The following UMAD1 variants were observed in gnomAD, a reference collection of about 807,000 sequenced individuals.
The protein encoded by UMAD1 is UBAP1-MVB12-associated (UMA) domain containing 1.
In UMAD1, 8 loss-of-function variants were observed where a neutral mutation model predicts 6.1. The observed-to-expected ratio is 1.30, with a 90% CI of 0.76 to 2.35. The LOEUF is 2.35. Ranked by LOEUF, UMAD1 falls within the 30% of genes most tolerant of loss-of-function variation. The pLI is 0.00. For synonymous variants in UMAD1, 56 were observed against 31.4 expected (o/e 1.78, Z -2.61); for missense variants, 130 against 78.4 (o/e 1.66, Z -2.49).
chr7:7,697,638 C>G (rs981820915), intron 2 of UMAD1, among the ~76,000 whole-genome samples: 4 of 152,070 alleles, frequency 2.6e-5, no homozygotes, highest in African/African-American at 9.7e-5. Flanking sequence ...TTTTTTTAAG[C>G]TGATATTATC....
At chr7:7,735,649 A>T (rs893831309) in intron 2 of UMAD1, 1 of 152,276 alleles carries the variant, frequency 6.6e-6, no homozygotes, top group African/African-American at 2.4e-5. Flanking sequence ...ACCTCAGGTG[A>T]TCCACCCACC....
At chr7:7,671,777 C>G (rs182444386) in intron 1 of UMAD1, among the ~76,000 whole-genome samples, 2 of 152,144 alleles carry the variant, frequency 1.3e-5, no homozygotes, top group African/African-American at 4.8e-5. Flanking sequence ...TCTCCTTGCT[C>G]TCTATAGAGA....
rs1298205476 is a variant in UMAD1, at chr7:7,858,445, A to T, written c.157-18836A>T. ...TGGGCTGTAAGCATAGTTTCTATAC[A>T]CTTAAAAACACTTTGGGAAATTATA... On this transcript the variant is annotated intron_variant, in intron 3 of 3. Transcript: ENST00000682710. Among the ~76,000 whole-genome samples the T allele has an allele frequency of 2.0e-5, 3 of 152,334 alleles. No individual in the cohort carries two copies. In the East Asian group the frequency reaches 5.8e-4, roughly 29 times the overall value.
chr7:7,766,742 T>C (rs1430551136), intron 2 of UMAD1, among the ~76,000 whole-genome samples: 1 of 152,216 alleles, frequency 6.6e-6, no homozygotes, highest in African/African-American at 2.4e-5. Context: ...TTTAAATATA[T>C]ATGTAATTTC....
chr7:7,866,426 G>A (rs1473416073), intron 3 of UMAD1, among the ~76,000 whole-genome samples: 2 of 152,194 alleles, frequency 1.3e-5, no homozygotes, highest in Admixed American at 6.5e-5. Context: ...CACGTTTGGG[G>A]AGTTAGTTGG....
chr7:7,659,440 T>G (rs1183375390), intron 1 of UMAD1, among the ~76,000 whole-genome samples: 4 of 152,240 alleles, frequency 2.6e-5, no homozygotes, highest in Admixed American at 2.6e-4. Flanking sequence ...TTGTTGGCAT[T>G]TAGTGCTATA....
At chr7:7,792,832 G>A (rs148065276) in intron 2 of UMAD1, among the ~76,000 whole-genome samples, 116 of 152,254 alleles carry the variant, frequency 7.6e-4, no homozygotes, top group African/African-American at 2.7e-3. Flanking sequence ...TGGTGAGGGC[G>A]CACTTTTTGG....
At chr7:7,847,397 A>G (rs1027338470) in intron 3 of UMAD1, among the ~76,000 whole-genome samples, 2 of 151,570 alleles carry the variant, frequency 1.3e-5, no homozygotes, top group Non-Finnish European at 2.9e-5. Flanking sequence ...TCACCATTTC[A>G]TTAGAGAGGC....
intron 2 of UMAD1, among the ~76,000 whole-genome samples, chr7:7,721,235 C>G (rs535699253): frequency 6.6e-6 from 1 of 152,296 alleles, no homozygotes; most frequent in East Asian, 1.9e-4. Context: ...TAAGCCACCA[C>G]GTTTGTACCA....
rs544398360 is a variant in UMAD1, at chr7:7,647,050, TTTTA to T, written c.-64+6236_-64+6239del. Among the ~76,000 whole-genome samples the T allele has an allele frequency of 3.7e-3, 565 of 152,314 alleles. 3 individuals carry two copies. Among genetic ancestry groups the T allele is most frequent in the Non-Finnish European group, 6.4e-3 (432 of 68,026 alleles). On this transcript the variant is annotated intron_variant, in intron 1 of 3. Transcript: ENST00000682710. ...TTGTGAAATTAGTGTGGAGTGTTTC[TTTTA>T]TTTATTCTCCAAGATTGTACATAAA...
intron 3 of UMAD1, among the ~76,000 whole-genome samples, chr7:7,873,388 C>T (rs867404809): frequency 6.6e-6 from 1 of 152,014 alleles, no homozygotes; most frequent in Admixed American, 6.6e-5. Flanking sequence ...ATAGAGAAGC[C>T]CTTTAAAGAG....
At chr7:7,823,264 A>C (rs536259728) in intron 3 of UMAD1, among the ~76,000 whole-genome samples, 2 of 152,166 alleles carry the variant, frequency 1.3e-5, no homozygotes, top group Non-Finnish European at 2.9e-5. Context: ...AATTCAGCCA[A>C]CTTTTTTCCC....
At chr7:7,843,317 T>C (rs56261140) in intron 3 of UMAD1, among the ~76,000 whole-genome samples, 300 of 152,308 alleles carry the variant, frequency 2.0e-3, no homozygotes, top group African/African-American at 6.8e-3. Flanking sequence ...GCTGAATCAG[T>C]TGCTCATTGG....
In UMAD1 at chr7:7,830,949, A is replaced by G. The variant is rs1783453194; in HGVS notation, c.156+29206A>G. Reference sequence around the variant, plus strand: ...CATGTGGCTACAAGAATATTTTTTAATTATAAAAAATATACCAGTCCTTAA... The same window carrying G: ...CATGTGGCTACAAGAATATTTTTTAGTTATAAAAAATATACCAGTCCTTAA... On this transcript the variant is annotated intron_variant, in intron 3 of 3. Transcript: ENST00000682710. The surrounding 1 kb of genome is among the most constrained non-coding windows in gnomAD (Gnocchi z 5.3). 1.3e-5 allele frequency among the ~76,000 whole-genome samples: 2 copies of G among 152,180 alleles called. No individual in the cohort carries two copies. Among genetic ancestry groups the G allele is most frequent in the Non-Finnish European group, 2.9e-5 (2 of 68,024 alleles).
intron 2 of UMAD1, among the ~76,000 whole-genome samples, chr7:7,694,580 T>G (rs1050470996): frequency 2.0e-5 from 3 of 151,422 alleles, no homozygotes; most frequent in Non-Finnish European, 4.4e-5. Flanking sequence ...CTACTCTCTA[T>G]CTCTCTGAGT....
chr7:7,651,172 A>G (rs745941091), intron 1 of UMAD1, among the ~76,000 whole-genome samples: 5 of 152,254 alleles, frequency 3.3e-5, no homozygotes, highest in African/African-American at 1.2e-4. Context: ...TTAAAAATAT[A>G]TGGCTAAATC....
chr7:7,673,593 C>A, intron 2 of UMAD1, 140 bp downstream of exon 2: 2 of 604,736 alleles, frequency 3.3e-6, no homozygotes, highest in Non-Finnish European at 2.9e-6. Context: ...AGCGTAAAAT[C>A]TGTAAAGATG....
At chr7:7,725,286 T>C (rs187604815) in intron 2 of UMAD1, among the ~76,000 whole-genome samples, 2 of 152,246 alleles carry the variant, frequency 1.3e-5, no homozygotes, top group Admixed American at 1.3e-4. Context: ...AGGCTGCCAG[T>C]TTGAGTGGGG....
intron 1 of UMAD1, among the ~76,000 whole-genome samples, chr7:7,671,778 T>C (rs1157085178): frequency 6.6e-6 from 1 of 152,110 alleles, no homozygotes; most frequent in Non-Finnish European, 1.5e-5. Context: ...CTCCTTGCTC[T>C]CTATAGAGAG....
Sources: allele counts gnomAD v4.1 joint callset (sites outside exome capture counted in the v4.1 genomes callset), GRCh38; gene constraint gnomAD v4.1.1; non-coding constraint Gnocchi (gnomAD v3.1); transcripts MANE v1.5; gene names NCBI Gene and HGNC (gene_info 2026-07-23, HGNC 2026-07-21).